Variants in MARCHF6 observed in about 807,000 individuals in gnomAD.
MARCHF6 encodes the protein E3 ubiquitin-protein ligase MARCHF6.
A neutral mutation model predicts 133.7 loss-of-function variants in MARCHF6; 31 were observed. The observed-to-expected ratio is 0.23, with a 90% CI of 0.17 to 0.31. The LOEUF (loss-of-function observed/expected upper bound fraction) is 0.31. Among genes scored for constraint, MARCHF6 ranks in the 10% least tolerant of loss-of-function variants. The pLI, the probability that MARCHF6 is intolerant of heterozygous loss-of-function variation, is 1.00. For missense variants in MARCHF6, 723 were observed against 1,121.6 expected (o/e 0.64, Z 5.08); for synonymous variants, 395 against 402.5 (o/e 0.98, Z 0.22).
At chr5:10,382,482 AAAG>A (rs1455110309) in intron 4 of MARCHF6, among the ~76,000 whole-genome samples, 77 of 151,778 alleles carry the variant, frequency 5.1e-4, no homozygotes, top group Admixed American at 4.9e-3. Context: ...AAAAAAAAAA[AAAG>A]GACTGCAAAA....
chr5:10,392,587 C>G (rs895514197), intron 7 of MARCHF6, among the ~76,000 whole-genome samples: 25 of 152,222 alleles, frequency 1.6e-4, no homozygotes, highest in African/African-American at 5.8e-4. Context: ...AACCCCATCT[C>G]TCCTAAAAAT....
intron 7 of MARCHF6, among the ~76,000 whole-genome samples, chr5:10,392,654 T>C (rs556111059): frequency 5.9e-5 from 9 of 151,972 alleles, no homozygotes; most frequent in Admixed American, 5.2e-4. Flanking sequence ...CTTGGGAGGC[T>C]GAGATAGGAG....
rs564130206 is a variant in MARCHF6 at position 10,360,656 on chromosome 5, T to A, written c.19+6739T>A. On this transcript the variant is annotated intron_variant, in intron 1 of 25. Transcript: ENST00000274140. ...TTCCTGGTTAAGACAAGTTTTTGTT[T>A]GTCTTAAATTCAAATTTCTGGAAGC... 2.6e-5 allele frequency among the ~76,000 whole-genome samples: 4 copies of A among 152,342 alleles called. No individual in the cohort carries two copies. In the East Asian group the frequency reaches 7.7e-4, roughly 29 times the overall value.
rs1740416232 is a variant in MARCHF6 at position 10,432,466 on chromosome 5, C to CT, written c.2643-1126dup. On this transcript the variant is annotated intron_variant, in intron 25 of 25. Transcript: ENST00000274140. ...TGCCTCCAAATGGGTGCCCTTCACA[C>CT]TTGTGCCCAGCCACCTACAGCTTGT... is the stretch of plus-strand genomic sequence containing the variant. Among the ~76,000 whole-genome samples the CT allele has an allele frequency of 2.0e-5, 3 of 152,242 alleles. 1 individual carries two copies. Among genetic ancestry groups the CT allele is most frequent in the Admixed American group, 2.0e-4 (3 of 15,292 alleles).
At position 10,429,902 on chromosome 5, in the gene MARCHF6, C is replaced by T. The variant is rs201277006; in HGVS notation, c.2516C>T (p.Ala839Val). 3.3e-5 allele frequency: 53 copies of T among 1,611,258 alleles called. 1 individual carries two copies. In the South Asian group the frequency reaches 3.4e-4, roughly 10 times the overall value. The change falls in exon 25 of 26, where the codon GCG (alanine) becomes GTG (valine). Residue 839 changes from alanine (A) to valine (V), a missense_variant. By Grantham distance (64) the Ala-to-Val change is moderately conservative (BLOSUM62 0). Around this residue, in one of 4 missense-constraint regions of MARCHF6, gnomAD observed 492 missense variants for 699.5 expected, o/e 0.70. Coordinates refer to ENST00000274140, the MANE Select transcript of MARCHF6 (RefSeq NM_005885.4). ...TTTTTTGGTTTTCTAGGTGTTACTG[C>T]GGAAATGCAAAACTTAGTCCATCGG... ...SGVVPLLGVT[A>V]EMQNLVHRRI...
At chr5:10,413,214 C>G (rs991380850) in intron 19 of MARCHF6, 1 of 152,256 alleles carries the variant, frequency 6.6e-6, no homozygotes, top group Non-Finnish European at 1.5e-5. Context: ...AATAGCAGAT[C>G]TCATAGTCAG....
At chr5:10,414,359 T>C in intron 19 of MARCHF6, 74 bp from the exon 20 acceptor site, 2 of 811,642 alleles carry the variant, frequency 2.5e-6, no homozygotes, top group African/African-American at 1.7e-5. Context: ...AATGGGAAGA[T>C]TGTGTTGATT....
chr5:10,380,138 G>A (rs895919467), intron 3 of MARCHF6, among the ~76,000 whole-genome samples: 1 of 147,718 alleles, frequency 6.8e-6, no homozygotes, highest in South Asian at 2.2e-4. Flanking sequence ...CCCTTACAAA[G>A]GATTTTTGTG....
At chr5:10,389,843 A>G (rs111859136) in intron 5 of MARCHF6, among the ~76,000 whole-genome samples, 34 of 152,314 alleles carry the variant, frequency 2.2e-4, no homozygotes, top group African/African-American at 4.3e-4. Context: ...TGATGATTCT[A>G]TTAATTTGTG....
chr5:10,415,404 G>T, intron 20 of MARCHF6, 84 bp from the exon 21 acceptor site: 2 of 1,251,948 alleles, frequency 1.6e-6, no homozygotes, highest in Non-Finnish European at 2.3e-6. Flanking sequence ...TTTTCCTAAT[G>T]TGAAAATACT....
At chr5:10,376,984 A>G (rs913757393) in intron 1 of MARCHF6, among the ~76,000 whole-genome samples, 1 of 152,196 alleles carries the variant, frequency 6.6e-6, no homozygotes, top group Non-Finnish European at 1.5e-5. Flanking sequence ...AGAACGGTCT[A>G]AAATAAAAGT....
chr5:10,403,353 A>C (rs769197040), intron 14 of MARCHF6, 54 bp from the exon 15 acceptor site: 95 of 1,547,510 alleles, frequency 6.1e-5, no homozygotes, highest in Non-Finnish European at 7.8e-5. Flanking sequence ...GAAAATGTTA[A>C]CTTGGCAAAT....
intron 1 of MARCHF6, among the ~76,000 whole-genome samples, chr5:10,364,289 C>G (rs1448650961): frequency 6.6e-6 from 1 of 152,194 alleles, no homozygotes; most frequent in Admixed American, 6.5e-5. Context: ...AAGCAACCTT[C>G]CGGGTACAGG....
At chr5:10,372,751 G>C (rs1431927933) in intron 1 of MARCHF6, among the ~76,000 whole-genome samples, 7 of 152,192 alleles carry the variant, frequency 4.6e-5, no homozygotes, top group Non-Finnish European at 1.5e-5. Flanking sequence ...AATTGATGAG[G>C]AAAGTGGATT....
intron 4 of MARCHF6, among the ~76,000 whole-genome samples, chr5:10,383,228 CAG>C (rs1048484841): frequency 1.3e-5 from 2 of 152,094 alleles, no homozygotes; most frequent in African/African-American, 4.8e-5. Context: ...GGATGAAACT[CAG>C]AGGGACAAAT....
At chr5:10,387,376 C>A (rs1213662800) in intron 5 of MARCHF6, among the ~76,000 whole-genome samples, 1 of 150,492 alleles carries the variant, frequency 6.6e-6, no homozygotes, top group Admixed American at 6.6e-5. Flanking sequence ...GATCTCGGCT[C>A]ACTGCAACCT....
At chr5:10,356,759 C>G (rs1210209158) in intron 1 of MARCHF6, among the ~76,000 whole-genome samples, 1 of 152,088 alleles carries the variant, frequency 6.6e-6, no homozygotes, top group East Asian at 1.9e-4. Context: ...ATGTTACAAA[C>G]ACATCAACCG....
intron 7 of MARCHF6, 111 bp downstream of exon 7, chr5:10,391,842 C>A: frequency 4.4e-6 from 5 of 1,132,666 alleles, no homozygotes; most frequent in Non-Finnish European, 5.8e-6. Flanking sequence ...AGTTCTATTT[C>A]TAACTTATTT....
intron 21 of MARCHF6, 41 bp from the exon 22 acceptor site, chr5:10,417,229 A>T (rs1324846050): frequency 6.3e-7 from 1 of 1,587,632 alleles, no homozygotes; most frequent in Non-Finnish European, 8.5e-7. Context: ...TTTGGCTCAG[A>T]AAGATCCTCT....
Sources: gnomAD v4.1 joint callset for allele counts (sites outside exome capture counted in the v4.1 genomes callset) on GRCh38, gnomAD v4.1.1 for gene constraint, gnomAD v4.1.1 regional missense constraint, MANE v1.5 for transcripts, NCBI Gene and HGNC (gene_info 2026-07-23, HGNC 2026-07-21) for gene names.